Variants in ZPBP observed in about 807,000 individuals in gnomAD.
ZPBP encodes the protein zona pellucida binding protein, also known as zona pellucida-binding protein 1.
In ZPBP, 26 loss-of-function variants were observed where a neutral mutation model predicts 44.8. The ratio of observed to expected loss-of-function variants is 0.58; its 90% CI spans 0.43 to 0.81. The LOEUF is 0.81. ZPBP is among the 30% of genes least tolerant of loss of function. ZPBP has a pLI of 0.00. For missense variants in ZPBP, 409 were observed against 434.0 expected (o/e 0.94, Z 0.51); for synonymous variants, 174 against 153.2 (o/e 1.14, Z -1.00).
At chr7:50,015,607 C>A (rs1798785514) in intron 6 of ZPBP, among the ~76,000 whole-genome samples, 1 of 152,082 alleles carries the variant, frequency 6.6e-6, no homozygotes, top group Non-Finnish European at 1.5e-5. Context: ...AAACTATCAA[C>A]ACAGTAAACA....
chr7:50,043,935 G>A (rs977265326), intron 4 of ZPBP, among the ~76,000 whole-genome samples: 1 of 152,088 alleles, frequency 6.6e-6, no homozygotes, highest in Non-Finnish European at 1.5e-5. Context: ...CTCAGCAAAT[G>A]CAAAAGAATA....
chr7:50,056,643 G>A (rs902386716), intron 4 of ZPBP, among the ~76,000 whole-genome samples: 7 of 152,196 alleles, frequency 4.6e-5, no homozygotes, highest in African/African-American at 7.2e-5. Context: ...TTGAGTTCAG[G>A]CTGTTCTCCT....
intron 1 of ZPBP, chr7:50,092,803 T>C: frequency 2.5e-6 from 1 of 398,768 alleles, no homozygotes; most frequent in South Asian, 3.6e-5. Flanking sequence ...GGGGAGTTTA[T>C]CAACAAAGCA....
intron 4 of ZPBP, among the ~76,000 whole-genome samples, chr7:50,044,089 A>G (rs542184323): frequency 2.0e-5 from 3 of 152,222 alleles, no homozygotes; most frequent in Non-Finnish European, 4.4e-5. Flanking sequence ...AAATTAAGGC[A>G]GAAATAAATA....
chr7:50,076,216 A>G (rs1802070998), intron 3 of ZPBP, among the ~76,000 whole-genome samples: 1 of 151,986 alleles, frequency 6.6e-6, no homozygotes, highest in Non-Finnish European at 1.5e-5. Context: ...ATAAAATTCA[A>G]CATCCCTTCA....
intron 2 of ZPBP, among the ~76,000 whole-genome samples, chr7:50,087,170 G>A (rs777501758): frequency 6.6e-6 from 1 of 151,916 alleles, no homozygotes; most frequent in Non-Finnish European, 1.5e-5. Flanking sequence ...GATAGAAGAG[G>A]AGGTCATTAC....
intron 2 of ZPBP, among the ~76,000 whole-genome samples, chr7:49,900,476 T>C (rs1583789835): frequency 6.6e-6 from 1 of 151,524 alleles, no homozygotes; most frequent in African/African-American, 2.4e-5. Flanking sequence ...AGAGAGGACA[T>C]CATTACAGAT....
At chr7:49,843,363 G>A in the ZPBP span, among the ~76,000 whole-genome samples, 1 of 152,158 alleles carries the variant, frequency 6.6e-6, no homozygotes, top group Non-Finnish European at 1.5e-5. Flanking sequence ...CCCAAGCGAA[G>A]AGGAGACACA....
intron 7 of ZPBP, among the ~76,000 whole-genome samples, chr7:49,969,128 T>A (rs2128768650): frequency 6.7e-6 from 1 of 150,242 alleles, no homozygotes; most frequent in Non-Finnish European, 1.5e-5. Context: ...TGATTAGTGA[T>A]CTATATTTAT....
chr7:49,943,021 C>A, intron 7 of ZPBP: 1 of 273,028 alleles, frequency 3.7e-6, no homozygotes. Flanking sequence ...AGGGTGAAAG[C>A]TGGGGGGCCA....
intron 4 of ZPBP, 61 bp downstream of exon 4, chr7:50,057,928 A>G: frequency 1.4e-6 from 2 of 1,480,008 alleles, no homozygotes; most frequent in Non-Finnish European, 9.3e-7. Context: ...GCCTACTTAA[A>G]CATATTTAAA....
chr7:50,081,157 C>A (rs987562146), intron 3 of ZPBP, among the ~76,000 whole-genome samples: 1 of 151,498 alleles, frequency 6.6e-6, no homozygotes, highest in Non-Finnish European at 1.5e-5. Flanking sequence ...ATAAAATAAG[C>A]CTGTAAGTTT....
At chr7:50,048,642 A>T (rs1800513928) in intron 4 of ZPBP, among the ~76,000 whole-genome samples, 1 of 152,078 alleles carries the variant, frequency 6.6e-6, no homozygotes, top group African/African-American at 2.4e-5. Flanking sequence ...ATAAATGAAA[A>T]TGAAGACAAA....
chr7:49,981,421 A>ATTAT (rs1562819639), intron 7 of ZPBP, among the ~76,000 whole-genome samples: 32 of 52,516 alleles, frequency 6.1e-4, no homozygotes, highest in South Asian at 3.1e-3. Context: ...TATAATATAT[A>ATTAT]ATATAAAATA....
At chr7:50,056,997 A>C (rs1284617145) in intron 4 of ZPBP, among the ~76,000 whole-genome samples, 1 of 152,068 alleles carries the variant, frequency 6.6e-6, no homozygotes, top group Non-Finnish European at 1.5e-5. Context: ...CATCCTGGCT[A>C]ACACGGTGAA....
the ZPBP span, among the ~76,000 whole-genome samples, chr7:49,844,264 C>T: frequency 0.027 from 4,084 of 152,270 alleles, 157 homozygotes; most frequent in South Asian, 0.12. Context: ...CCCTGAAGGG[C>T]GTCGATTCTA....
chr7:50,040,809 C>G (rs1800049283), intron 4 of ZPBP, among the ~76,000 whole-genome samples: 1 of 152,068 alleles, frequency 6.6e-6, no homozygotes, highest in East Asian at 1.9e-4. Flanking sequence ...CGAGACAGAA[C>G]CATTCACTCC....
At chr7:50,029,844 G>T (rs1237545608) in intron 5 of ZPBP, among the ~76,000 whole-genome samples, 1 of 117,708 alleles carries the variant, frequency 8.5e-6, no homozygotes, top group Non-Finnish European at 1.7e-5. Context: ...TGTTGTTGTT[G>T]CTGTTGTTGT....
At chr7:50,080,079 C>T (rs1802285461) in intron 3 of ZPBP, among the ~76,000 whole-genome samples, 1 of 151,602 alleles carries the variant, frequency 6.6e-6, no homozygotes, top group African/African-American at 2.4e-5. Context: ...ATTTATTTGG[C>T]TCAAATCAAG....
Sources: allele counts gnomAD v4.1 joint callset (sites outside exome capture counted in the v4.1 genomes callset), GRCh38; gene constraint gnomAD v4.1.1; transcripts MANE v1.5; gene names NCBI Gene and HGNC (gene_info 2026-07-23, HGNC 2026-07-21).